Variants in PRSS3 observed in about 807,000 individuals in gnomAD.
The protein encoded by PRSS3 is serine protease 3.
Under a neutral mutation model 20.8 loss-of-function variants are expected in PRSS3, and 14 were observed. The observed-to-expected ratio is 0.67, with a 90% CI of 0.44 to 1.05. The LOEUF is 1.05. Among genes scored for constraint, PRSS3 ranks in the 50% least tolerant of loss-of-function variants. The probability of loss-of-function intolerance (pLI) is 0.00; values close to 1 mark genes in which losing one functional copy is unlikely to be tolerated. For synonymous variants in PRSS3, 91 were observed against 117.6 expected (o/e 0.77, Z 1.46); for missense variants, 237 against 306.4 (o/e 0.77, Z 1.69).
chr9:33,795,004 C>G, upstream of PRSS3: 1 of 1,329,808 alleles, frequency 7.5e-7, no homozygotes, highest in African/African-American at 1.5e-5. Context: ...CTCCTTACCC[C>G]TTAGTGTTGG....
chr9:33,776,151 A>G (rs1252388276), intron 1 of PRSS3, among the ~76,000 whole-genome samples: 1 of 152,272 alleles, frequency 6.6e-6, no homozygotes, highest in African/African-American at 2.4e-5. Flanking sequence ...ACCAAAATTA[A>G]GAATTCACTA....
chr9:33,792,474 G>T (rs550589241), upstream of PRSS3, among the ~76,000 whole-genome samples: 1 of 152,346 alleles, frequency 6.6e-6, no homozygotes, highest in African/African-American at 2.4e-5. Flanking sequence ...GAAGTCATTT[G>T]AACTCTGAGT....
intron 1 of PRSS3, among the ~76,000 whole-genome samples, chr9:33,785,777 G>C (rs1824378560): frequency 6.6e-6 from 1 of 152,172 alleles, no homozygotes; most frequent in African/African-American, 2.4e-5. Flanking sequence ...CCATTTATTG[G>C]TGTGTGTATG....
At chr9:33,768,913 C>T (rs1028518705) in intron 1 of PRSS3, among the ~76,000 whole-genome samples, 3 of 152,120 alleles carry the variant, frequency 2.0e-5, no homozygotes, top group Non-Finnish European at 2.9e-5. Context: ...TTAGAGAATA[C>T]ATGTATCATC....
intron 1 of PRSS3, among the ~76,000 whole-genome samples, chr9:33,756,464 C>T (rs10814043): frequency 0.22 from 33,112 of 151,992 alleles, 3,782 homozygotes; most frequent in Middle Eastern, 0.24. Flanking sequence ...TTACATTCTT[C>T]GGTTCTGAGT....
In PRSS3 at chr9:33,796,675, G is replaced by T. The variant is rs76740888; in HGVS notation, c.73G>T (p.Val25Phe). ...CCCCTTTGACGATGATGACAAGATT[G>T]TTGGGGGCTACACCTGTGAGGAGAA... is the stretch of plus-strand genomic sequence containing the variant. ...AVPFDDDDKI[V>F]GGYTCEENSL... Residue 25 changes from valine (V) to phenylalanine (F), a missense_variant, in exon 2 of 5, where the codon GTT becomes TTT. Physicochemically the swap from Val to Phe is conservative, Grantham distance 50. Coordinates refer to ENST00000379405, the MANE Select transcript of PRSS3 (RefSeq NM_002771.4). 6.3e-7 allele frequency: 1 copy of T among 1,582,934 alleles called. No homozygotes were observed. Among genetic ancestry groups the T allele is most frequent in the Non-Finnish European group, 8.6e-7 (1 of 1,160,228 alleles).
chr9:33,766,209 G>A (rs1261414732), intron 1 of PRSS3, among the ~76,000 whole-genome samples: 2 of 139,230 alleles, frequency 1.4e-5, no homozygotes, highest in African/African-American at 5.4e-5. Flanking sequence ...AGGTTGCAGT[G>A]AGCCGAGACC....
chr9:33,789,224 C>A (rs1392794999), intron 1 of PRSS3, among the ~76,000 whole-genome samples: 2 of 152,184 alleles, frequency 1.3e-5, no homozygotes, highest in African/African-American at 4.8e-5. Flanking sequence ...GTCAATTCAT[C>A]TTTCAGAATT....
intron 1 of PRSS3, 132 bp from the exon 2 acceptor site, chr9:33,796,511 C>A: frequency 7.4e-7 from 1 of 1,344,056 alleles, no homozygotes; most frequent in South Asian, 1.3e-5. Context: ...CCAGGGGTGG[C>A]AGCGCTCCCT....
chr9:33,775,860 G>A (rs1442951318), intron 1 of PRSS3, among the ~76,000 whole-genome samples: 3 of 151,824 alleles, frequency 2.0e-5, no homozygotes, highest in East Asian at 1.9e-4. Context: ...CCACTACCAC[G>A]CCCGGCTAAT....
At chr9:33,782,589 A>G (rs1824231770) in intron 1 of PRSS3, among the ~76,000 whole-genome samples, 1 of 152,216 alleles carries the variant, frequency 6.6e-6, no homozygotes, top group Non-Finnish European at 1.5e-5. Flanking sequence ...AAGACTTACT[A>G]TAAACCCACA....
intron 1 of PRSS3, among the ~76,000 whole-genome samples, chr9:33,766,213 C>T (rs1486869168): frequency 3.4e-5 from 4 of 119,218 alleles, no homozygotes; most frequent in Admixed American, 2.0e-4. Context: ...TGCAGTGAGC[C>T]GAGACCACGC....
intron 1 of PRSS3, among the ~76,000 whole-genome samples, chr9:33,767,909 C>T (rs35752083): frequency 0.22 from 33,119 of 152,062 alleles, 3,770 homozygotes; most frequent in Middle Eastern, 0.24. Flanking sequence ...TCTGCAAGCC[C>T]AGGAGAGAGG....
rs77411936 is a variant in PRSS3 at position 33,797,074 on chromosome 9, G to A, written c.200+272G>A. On this transcript the variant is annotated intron_variant, in intron 2 of 4. Coordinates refer to ENST00000379405, the MANE Select transcript of PRSS3 (RefSeq NM_002771.4). ...TTGCTGGTTAGCTACACATTAAAGC[G>A]ACCTAAGACAGAGTTTTTGAAAATA... 5.6e-4 allele frequency among the ~76,000 whole-genome samples: 85 copies of A among 150,506 alleles called. No homozygotes were observed. In the East Asian group the frequency reaches 0.013, roughly 23 times the overall value.
In PRSS3 at chr9:33,798,530, A is replaced by G. The variant is rs142022985; in HGVS notation, c.499A>G (p.Thr167Ala). The G allele has an allele frequency of 2.4e-3, 3,882 of 1,614,082 alleles. 7 individuals are homozygous for G. Among genetic ancestry groups the G allele is most frequent in the Non-Finnish European group, 3.0e-3 (3,498 of 1,180,010 alleles). ...GAAGTGCCTGGATGCTCCGGTGCTG[A>G]CCCAGGCTGAGTGTAAAGCCTCCTA... ...ELKCLDAPVL[T>A]QAECKASYPG... The change falls in exon 4 of 5, where the codon ACC (threonine) becomes GCC (alanine). Residue 167 changes from threonine (T) to alanine (A), a missense_variant. By Grantham distance (58) the Thr-to-Ala change is moderately conservative. Coordinates refer to ENST00000379405, the MANE Select transcript of PRSS3 (RefSeq NM_002771.4).
At chr9:33,796,257 G>C (rs1304642175) in intron 1 of PRSS3, among the ~76,000 whole-genome samples, 1 of 152,224 alleles carries the variant, frequency 6.6e-6, no homozygotes, top group South Asian at 2.1e-4. Flanking sequence ...TCCTAGCTTA[G>C]CCAAAGTATC....
chr9:33,788,786 T>C (rs534112214), intron 1 of PRSS3, among the ~76,000 whole-genome samples: 41 of 152,304 alleles, frequency 2.7e-4, no homozygotes, highest in Admixed American at 5.2e-4. Context: ...AGCTATATCT[T>C]ATGTTCAATT....
At chr9:33,750,684 G>T, upstream of PRSS3, 5 of 1,452,948 alleles carry the variant, frequency 3.4e-6, no homozygotes, top group Non-Finnish European at 4.5e-6. This position sits in a 1 kb window ranked among gnomAD's most constrained non-coding sequence, Gnocchi z 4.8. Context: ...GACGCACTTG[G>T]CGAGCGGCGC....
At chr9:33,795,926 A>C (rs965903530) in intron 1 of PRSS3, among the ~76,000 whole-genome samples, 10 of 152,248 alleles carry the variant, frequency 6.6e-5, no homozygotes, top group African/African-American at 7.2e-5. Context: ...GCACCAGTAT[A>C]GCACCACTAT....
Sources: gnomAD v4.1 joint callset for allele counts (sites outside exome capture counted in the v4.1 genomes callset) on GRCh38, gnomAD v4.1.1 for gene constraint, Gnocchi (gnomAD v3.1) non-coding constraint, MANE v1.5 for transcripts, NCBI Gene and HGNC (gene_info 2026-07-23, HGNC 2026-07-21) for gene names.